The following PCDHA4 variants were observed in gnomAD, a reference collection of about 807,000 sequenced individuals.
PCDHA4 encodes the protein protocadherin alpha-4.
Under a neutral mutation model 61.4 loss-of-function variants are expected in PCDHA4, and 49 were observed. The ratio of observed to expected loss-of-function variants is 0.80; its 90% CI spans 0.63 to 1.01. The LOEUF is 1.01. PCDHA4 is among the 50% of genes least tolerant of loss of function. The pLI, the probability that PCDHA4 is intolerant of heterozygous loss-of-function variation, is 0.00. For missense variants in PCDHA4, 1,254 were observed against 1,235.8 expected, an observed-to-expected ratio of 1.01 and a Z score of -0.22; for synonymous variants, 590 against 550.3, an observed-to-expected ratio of 1.07 and a Z score of -1.01.
intron 3 of PCDHA4, among the ~76,000 whole-genome samples, chr5:141,006,727 G>A (rs2098285106): frequency 6.6e-6 from 1 of 152,080 alleles, no homozygotes. Context: ...AGAAATGACA[G>A]GTCTTGATGA....
chr5:140,882,474 A>G, intron 1 of PCDHA4: 1 of 1,614,054 alleles, frequency 6.2e-7, no homozygotes, highest in Non-Finnish European at 8.5e-7. Context: ...GTGGCGTCCA[A>G]AAGACACGGG....
intron 1 of PCDHA4, chr5:140,841,821 T>G: frequency 6.2e-7 from 1 of 1,613,940 alleles, no homozygotes; most frequent in Non-Finnish European, 8.5e-7. Context: ...GCTAACTCCG[T>G]GTTAACCTAC....
chr5:140,949,924 A>AT (rs144693243), intron 1 of PCDHA4, among the ~76,000 whole-genome samples: 6 of 151,302 alleles, frequency 4.0e-5, no homozygotes, highest in African/African-American at 7.3e-5. Context: ...CTATTTTTAG[A>AT]TTTTTTTTAA....
chr5:140,843,688 A>T lies in PCDHA4; in HGVS notation c.2385+34116A>T, dbSNP rs181500612. 24 of 1,588,306 alleles carry T rather than the reference A, an allele frequency of 1.5e-5. 1 individual carries two copies. In the East Asian group the frequency reaches 4.7e-4, roughly 31 times the overall value. On this transcript the variant is annotated intron_variant, in intron 1 of 3. Transcript: ENST00000530339. The stretch of plus-strand genomic sequence containing the variant: ...GATCAGTTGATGTAGGCGAAGAGCA[A>T]GATTTAAATGTTGATCATGGCCTCA...
At chr5:140,834,869 C>T (rs782789738) in intron 1 of PCDHA4, 1 of 1,609,230 alleles carries the variant, frequency 6.2e-7, no homozygotes, top group Non-Finnish European at 8.5e-7. Flanking sequence ...ATGCAGATAT[C>T]GGGGAGAACG....
chr5:140,898,674 C>G (rs1174441906), intron 1 of PCDHA4, among the ~76,000 whole-genome samples: 1 of 152,160 alleles, frequency 6.6e-6, no homozygotes, highest in Non-Finnish European at 1.5e-5. Context: ...GTGTTGCGGG[C>G]TGTTTTTTGG....
chr5:140,926,569 A>T (rs1245214494), intron 1 of PCDHA4: 1 of 261,750 alleles, frequency 3.8e-6, no homozygotes, highest in Admixed American at 5.3e-5. Context: ...CTGCTACTGG[A>T]GACAGCACCT....
chr5:140,997,698 A>G (rs1587762890), intron 3 of PCDHA4, among the ~76,000 whole-genome samples: 4 of 145,560 alleles, frequency 2.7e-5, no homozygotes, highest in South Asian at 2.2e-4. Context: ...GTGTGTGTGT[A>G]TGTTAACAAA....
chr5:140,939,812 A>T (rs1277082652), intron 1 of PCDHA4, among the ~76,000 whole-genome samples: 4 of 152,196 alleles, frequency 2.6e-5, no homozygotes, highest in Non-Finnish European at 2.9e-5. Flanking sequence ...ATGTTCAAGA[A>T]AAAGCAGTAT....
intron 1 of PCDHA4, among the ~76,000 whole-genome samples, chr5:140,973,377 G>T (rs1176312664): frequency 1.3e-5 from 2 of 152,208 alleles, no homozygotes; most frequent in Non-Finnish European, 2.9e-5. Context: ...ACAATGGTCA[G>T]AATAGACAAA....
Position 140,928,606 on chromosome 5 carries a change from C to T in PCDHA4, c.2386-50343C>T, listed in dbSNP as rs782809256. ...TTCTGTCCCAGTGGAAATTGTGCCC[C>T]GCTCTGCCAGGACTGGACACTTGGT... On this transcript the variant is annotated intron_variant, in intron 1 of 3. Coordinates refer to ENST00000530339, the MANE Select transcript of PCDHA4 (RefSeq NM_018907.4). 7.4e-6 allele frequency: 12 copies of T among 1,614,204 alleles called. No homozygotes were observed. In the South Asian group the frequency reaches 1.2e-4, roughly 16 times the overall value.
chr5:141,010,378 A>C lies in PCDHA4; in HGVS notation c.*441A>C. ...GCTACCGCGGGTATGCGAGTGCCAG[A>C]TATTGGCTGAGACGAGCCAGCTTAG... is the stretch of plus-strand genomic sequence containing the variant. On this transcript the variant is annotated 3_prime_UTR_variant, in exon 4 of 4. Coordinates refer to ENST00000530339, the MANE Select transcript of PCDHA4 (RefSeq NM_018907.4). 6.9e-7 allele frequency: 1 copy of C among 1,450,180 alleles called. No individual in the cohort carries two copies. Among genetic ancestry groups the C allele is most frequent in the Non-Finnish European group, 9.2e-7 (1 of 1,092,666 alleles). 89.8% of individuals were successfully genotyped at this position (1,450,180 alleles called of 1,614,324 possible).
intron 1 of PCDHA4, chr5:140,849,900 C>T: frequency 6.3e-7 from 1 of 1,598,532 alleles, no homozygotes; most frequent in East Asian, 2.2e-5. Flanking sequence ...GGAGAACAAC[C>T]CGCCGGGCTG....
chr5:140,875,356 G>A (rs2055432006), intron 1 of PCDHA4: 4 of 1,446,352 alleles, frequency 2.8e-6, no homozygotes, highest in East Asian at 2.5e-5. Context: ...TGACTGTGAT[G>A]CTGGAAAAAA....
At chr5:140,962,406 T>C (rs1272839882) in intron 1 of PCDHA4, among the ~76,000 whole-genome samples, 1 of 152,218 alleles carries the variant, frequency 6.6e-6, no homozygotes, top group African/African-American at 2.4e-5. Context: ...GCCCCAAACC[T>C]GTCTCTCCCT....
chr5:140,843,097 G>T, intron 1 of PCDHA4: 1 of 1,595,704 alleles, frequency 6.3e-7, no homozygotes, highest in South Asian at 1.1e-5. Flanking sequence ...ACGTGGTAGC[G>T]AAGGTGCGCG....
intron 1 of PCDHA4, among the ~76,000 whole-genome samples, chr5:140,941,077 G>C (rs2092726978): frequency 6.6e-6 from 1 of 152,068 alleles, no homozygotes; most frequent in South Asian, 2.1e-4. Context: ...CTGGAGAGTA[G>C]GTGGGTTTAG....
At chr5:140,930,832 T>A (rs1375434055) in intron 1 of PCDHA4, among the ~76,000 whole-genome samples, 1 of 152,226 alleles carries the variant, frequency 6.6e-6, no homozygotes, top group East Asian at 1.9e-4. Flanking sequence ...GCTGACTGAA[T>A]GAATAAATAT....
chr5:140,935,447 A>G (rs542363713), intron 1 of PCDHA4, among the ~76,000 whole-genome samples: 1 of 152,364 alleles, frequency 6.6e-6, no homozygotes, highest in South Asian at 2.1e-4. Flanking sequence ...AAATAATATG[A>G]TACTGTAGCA....
Sources: gnomAD v4.1 joint callset for allele counts (sites outside exome capture counted in the v4.1 genomes callset) on GRCh38, gnomAD v4.1.1 for gene constraint, MANE v1.5 for transcripts, NCBI Gene and HGNC (gene_info 2026-07-23, HGNC 2026-07-21) for gene names.